KLHL1: variants seen among roughly 807,000 people sequenced by gnomAD.
KLHL1 encodes the protein kelch-like protein 1.
KLHL1 carries 47 observed loss-of-function variants against 77.7 expected under a neutral mutation model. The observed-to-expected ratio is 0.60, with a 90% CI of 0.48 to 0.77. The LOEUF (loss-of-function observed/expected upper bound fraction) is 0.77, where lower values mean the gene tolerates loss of function less well. KLHL1 is among the 30% of genes least tolerant of loss of function. KLHL1 has a pLI of 0.00. For synonymous variants in KLHL1, 360 were observed against 325.2 expected, an observed-to-expected ratio of 1.11 and a Z score of -1.15; for missense variants, 925 against 910.8, an observed-to-expected ratio of 1.02 and a Z score of -0.20.
chr13:69,992,038 A>T (rs1885041117), intron 1 of KLHL1, among the ~76,000 whole-genome samples: 1 of 152,004 alleles, frequency 6.6e-6, no homozygotes, highest in Non-Finnish European at 1.5e-5. Context: ...AGACCTAATG[A>T]ATCAAGCCCT....
intron 6 of KLHL1, among the ~76,000 whole-genome samples, chr13:69,809,256 C>G (rs144493865): frequency 6.6e-6 from 1 of 152,168 alleles, no homozygotes; most frequent in East Asian, 1.9e-4. Context: ...ACACAGTCAT[C>G]AGACTATGCA....
chr13:69,896,500 T>C (rs1034160897), intron 4 of KLHL1, among the ~76,000 whole-genome samples: 7 of 152,166 alleles, frequency 4.6e-5, no homozygotes, highest in African/African-American at 1.7e-4. Flanking sequence ...TGTATCCATT[T>C]TTCATGCTTG....
intron 8 of KLHL1, among the ~76,000 whole-genome samples, chr13:69,721,260 C>G (rs1201825989): frequency 2.1e-5 from 3 of 146,112 alleles, no homozygotes; most frequent in Non-Finnish European, 4.5e-5. Context: ...CCTGGAAGCC[C>G]CCTCCCCATT....
chr13:70,020,709 T>A (rs1349376925), intron 1 of KLHL1, among the ~76,000 whole-genome samples: 1 of 152,058 alleles, frequency 6.6e-6, no homozygotes, highest in African/African-American at 2.4e-5. Flanking sequence ...AAGTGGAATT[T>A]CCTTTTTACA....
At chr13:70,062,799 A>G (rs1886922584) in intron 1 of KLHL1, among the ~76,000 whole-genome samples, 1 of 152,126 alleles carries the variant, frequency 6.6e-6, no homozygotes, top group African/African-American at 2.4e-5. Context: ...ATTCCAATTC[A>G]TGTTCGTTTA....
intron 1 of KLHL1, among the ~76,000 whole-genome samples, chr13:70,029,011 G>C (rs1307186726): frequency 6.6e-6 from 1 of 151,600 alleles, no homozygotes; most frequent in Non-Finnish European, 1.5e-5. Context: ...TTCCTGATTA[G>C]GGAACATTTG....
At chr13:70,085,390 CA>C (rs1447048702) in intron 1 of KLHL1, among the ~76,000 whole-genome samples, 1 of 152,040 alleles carries the variant, frequency 6.6e-6, no homozygotes, top group Non-Finnish European at 1.5e-5. Context: ...TTAACAGAGC[CA>C]AACTTAAGCA....
intron 7 of KLHL1, among the ~76,000 whole-genome samples, chr13:69,753,976 AG>A: frequency 6.6e-6 from 1 of 151,446 alleles, no homozygotes; most frequent in African/African-American, 2.4e-5. Flanking sequence ...AGCTGGGACT[AG>A]AGGCGTGTTC....
chr13:70,103,595 C>T (rs145190547), intron 1 of KLHL1, among the ~76,000 whole-genome samples: 73 of 152,036 alleles, frequency 4.8e-4, no homozygotes, highest in African/African-American at 1.4e-3. Flanking sequence ...TTAGATTAGG[C>T]GCAGACAATG....
At chr13:70,046,705 G>T (rs999337344) in intron 1 of KLHL1, among the ~76,000 whole-genome samples, 3 of 151,952 alleles carry the variant, frequency 2.0e-5, no homozygotes, top group African/African-American at 7.3e-5. Flanking sequence ...ATAGAGACGG[G>T]GTTTCACCAT....
chr13:69,726,268 A>C (rs74586978), intron 8 of KLHL1, among the ~76,000 whole-genome samples: 1 of 152,118 alleles, frequency 6.6e-6, no homozygotes, highest in African/African-American at 2.4e-5. Context: ...CAATAAAAGG[A>C]TTAGAATCCC....
rs1406159449 is a variant in KLHL1 at position 70,060,351 on chromosome 13, T to A, written c.497+46852A>T. On this transcript the variant is annotated intron_variant, in intron 1 of 10. Coordinates refer to ENST00000377844, the MANE Select transcript of KLHL1 (RefSeq NM_020866.3). ...TTAGTACAACCACTATAGAGAACAG[T>A]ATGCAGGTTCTGCAAAAACCTAAAA... 2.6e-5 allele frequency among the ~76,000 whole-genome samples: 4 copies of A among 152,134 alleles called. No homozygotes were observed. In the East Asian group the frequency reaches 7.7e-4, roughly 29 times the overall value.
chr13:69,792,358 G>A (rs2138030072), intron 7 of KLHL1, among the ~76,000 whole-genome samples: 1 of 152,190 alleles, frequency 6.6e-6, no homozygotes, highest in South Asian at 2.1e-4. Context: ...AACCCACAAT[G>A]AGATACTACT....
intron 8 of KLHL1, among the ~76,000 whole-genome samples, chr13:69,736,817 C>T (rs572258631): frequency 4.2e-4 from 64 of 151,976 alleles, no homozygotes; most frequent in African/African-American, 1.5e-3. Context: ...GAATGGAAAA[C>T]CAAACATAGT....
At chr13:69,994,336 T>A (rs1027181709) in intron 1 of KLHL1, among the ~76,000 whole-genome samples, 1 of 152,118 alleles carries the variant, frequency 6.6e-6, no homozygotes, top group South Asian at 2.1e-4. Flanking sequence ...AACTCTTTCC[T>A]TAAGCCTTCT....
intron 8 of KLHL1, among the ~76,000 whole-genome samples, chr13:69,720,875 A>G (rs1361787954): frequency 1.3e-5 from 2 of 148,998 alleles, no homozygotes; most frequent in African/African-American, 4.9e-5. Context: ...CCTGAGTACA[A>G]CAGGAAGCCA....
At chr13:69,751,276 T>A (rs1593796656) in intron 7 of KLHL1, among the ~76,000 whole-genome samples, 1 of 152,166 alleles carries the variant, frequency 6.6e-6, no homozygotes, top group East Asian at 1.9e-4. Context: ...ATGGATTCAT[T>A]CTTCATCAAT....
intron 1 of KLHL1, among the ~76,000 whole-genome samples, chr13:70,045,911 A>G (rs1886484367): frequency 2.0e-5 from 3 of 152,218 alleles, no homozygotes; most frequent in South Asian, 4.1e-4. Context: ...TTTAAACCCT[A>G]TGCCTGAAAA....
In KLHL1 at chr13:69,895,887, T is replaced by C. The variant is rs570452270; in HGVS notation, c.1015-13392A>G. 2.8e-4 allele frequency among the ~76,000 whole-genome samples: 42 copies of C among 152,170 alleles called. 1 individual carries two copies. The highest frequency in any genetic ancestry group is 2.4e-3 in the Admixed American group (36 of 15,284). Reference sequence around the variant, plus strand: ...ATGCCTGGCTAATTATTGTATTTTTTAGTAGAGACAGGGTTTTGCCAGGTT... The same window carrying C: ...ATGCCTGGCTAATTATTGTATTTTTCAGTAGAGACAGGGTTTTGCCAGGTT... On this transcript the variant is annotated intron_variant, in intron 4 of 10. Coordinates refer to ENST00000377844, the MANE Select transcript of KLHL1 (RefSeq NM_020866.3).
Sources: gnomAD v4.1 joint callset for allele counts (sites outside exome capture counted in the v4.1 genomes callset) on GRCh38, gnomAD v4.1.1 for gene constraint, MANE v1.5 for transcripts, NCBI Gene and HGNC (gene_info 2026-07-23, HGNC 2026-07-21) for gene names.